The following HHAT variants were observed in gnomAD, a reference collection of about 807,000 sequenced individuals.
HHAT encodes hedgehog acyltransferase.
In HHAT, 47 loss-of-function variants were observed where a neutral mutation model predicts 70.8. The observed-to-expected ratio is 0.66, with a 90% CI of 0.53 to 0.85. The LOEUF (loss-of-function observed/expected upper bound fraction) is 0.85, where lower values mean the gene tolerates loss of function less well. Ranked by LOEUF, HHAT falls within the 40% of genes least tolerant of loss-of-function variation. The pLI is 0.00. For synonymous variants in HHAT, 228 were observed against 247.6 expected, an observed-to-expected ratio of 0.92 and a Z score of 0.74; for missense variants, 609 against 604.8, an observed-to-expected ratio of 1.01 and a Z score of -0.07.
At chr1:210,624,678 T>G (rs761892438) in intron 11 of HHAT, among the ~76,000 whole-genome samples, 1 of 152,230 alleles carries the variant, frequency 6.6e-6, no homozygotes, top group Non-Finnish European at 1.5e-5. Context: ...TGTCAAAACA[T>G]TCTATTAATA....
chr1:210,350,692 C>T (rs987678301), intron 2 of HHAT, among the ~76,000 whole-genome samples: 58 of 152,160 alleles, frequency 3.8e-4, no homozygotes, highest in Admixed American at 3.6e-3. Context: ...GTAATCATGG[C>T]GTCTGCGAAG....
At chr1:210,337,024 A>C (rs1358579045) in intron 1 of HHAT, among the ~76,000 whole-genome samples, 1 of 152,204 alleles carries the variant, frequency 6.6e-6, no homozygotes, top group Non-Finnish European at 1.5e-5. Context: ...TTAGGGACTT[A>C]TATAATTGAC....
At chr1:210,585,013 G>GAA (rs1488591319) in intron 9 of HHAT, among the ~76,000 whole-genome samples, 2 of 152,196 alleles carry the variant, frequency 1.3e-5, no homozygotes, top group Non-Finnish European at 2.9e-5. Context: ...TTGCACAAAG[G>GAA]AAAGTATTGG....
intron 9 of HHAT, among the ~76,000 whole-genome samples, chr1:210,536,239 C>G (rs570855180): frequency 1.3e-5 from 2 of 152,240 alleles, no homozygotes; most frequent in Non-Finnish European, 2.9e-5. Context: ...CCCATTCTAG[C>G]ACACAGAATT....
At chr1:210,609,883 A>T (rs1411625654) in intron 10 of HHAT, among the ~76,000 whole-genome samples, 1 of 152,166 alleles carries the variant, frequency 6.6e-6, no homozygotes, top group African/African-American at 2.4e-5. Context: ...TGGTGTATAT[A>T]TACCACATTT....
At chr1:210,658,385 C>T (rs996978598) in intron 11 of HHAT, among the ~76,000 whole-genome samples, 4 of 152,202 alleles carry the variant, frequency 2.6e-5, no homozygotes, top group African/African-American at 9.7e-5. Context: ...TTGTCTTCTG[C>T]AGAGTCTTAT....
chr1:210,374,460 G>T (rs1000980326), intron 3 of HHAT, among the ~76,000 whole-genome samples: 23 of 152,146 alleles, frequency 1.5e-4, no homozygotes, highest in Non-Finnish European at 1.5e-5. Flanking sequence ...TATGTGCAGG[G>T]TACTATGGGT....
At chr1:210,424,855 T>G (rs1558490694) in intron 7 of HHAT, among the ~76,000 whole-genome samples, 1 of 152,232 alleles carries the variant, frequency 6.6e-6, no homozygotes, top group East Asian at 1.9e-4. Flanking sequence ...TTCCTCTCAG[T>G]ATATACCCAG....
chr1:210,409,172 GC>G (rs2092441138), intron 6 of HHAT, among the ~76,000 whole-genome samples: 1 of 152,142 alleles, frequency 6.6e-6, no homozygotes, highest in African/African-American at 2.4e-5. Context: ...GGCCATTCTA[GC>G]TTGTTTAATC....
chr1:210,400,430 C>T (rs1316843596), intron 4 of HHAT, 38 bp from the exon 5 acceptor site: 2 of 1,549,434 alleles, frequency 1.3e-6, no homozygotes, highest in African/African-American at 1.4e-5. Context: ...TCCCCTCTTC[C>T]TCCCTGTCTC....
intron 4 of HHAT, among the ~76,000 whole-genome samples, chr1:210,399,860 A>G (rs2091978218): frequency 6.6e-6 from 1 of 152,184 alleles, no homozygotes; most frequent in South Asian, 2.1e-4. Flanking sequence ...TAGACTATGC[A>G]AAGTCCTCAA....
chr1:210,609,603 A>G (rs1308309895), intron 10 of HHAT, among the ~76,000 whole-genome samples: 1 of 152,124 alleles, frequency 6.6e-6, no homozygotes, highest in Non-Finnish European at 1.5e-5. Context: ...TGCACAGATC[A>G]TCTCGTCTCC....
chr1:210,481,240 G>A (rs974247753), intron 8 of HHAT, among the ~76,000 whole-genome samples: 2 of 152,144 alleles, frequency 1.3e-5, no homozygotes, highest in African/African-American at 4.8e-5. Context: ...TACAGGGTTA[G>A]GTTCCTGCTA....
intron 8 of HHAT, among the ~76,000 whole-genome samples, 174 bp downstream of exon 8, chr1:210,464,829 C>G (rs939972214): frequency 1.2e-4 from 18 of 152,198 alleles, no homozygotes; most frequent in Non-Finnish European, 8.8e-5. Context: ...TTCTGGGTCT[C>G]TCACAATTAT....
In HHAT at chr1:210,552,350, G is replaced by A. The variant is rs147746237; in HGVS notation, c.1044-35548G>A. On this transcript the variant is annotated intron_variant, in intron 9 of 11. Transcript: ENST00000261458. ...TAAAATGTAGGTAACTTACATGTCC[G>A]ATTTGTGTCCTTCTGAGATGCTGTT... Among the ~76,000 whole-genome samples, 415 of 152,292 alleles carry A rather than the reference G, an allele frequency of 2.7e-3. 2 individuals carry two copies. Among genetic ancestry groups the A allele is most frequent in the African/African-American group, 9.2e-3 (383 of 41,568 alleles).
chr1:210,348,734 T>TGCGC (rs1415341316), intron 1 of HHAT, among the ~76,000 whole-genome samples, 199 bp from the exon 2 acceptor site: 55 of 113,128 alleles, frequency 4.9e-4, no homozygotes, highest in African/African-American at 2.0e-3. Context: ...GGTGTATGTG[T>TGCGC]GCGTGTGTGT....
intron 11 of HHAT, among the ~76,000 whole-genome samples, chr1:210,648,988 CAG>C (rs1306878302): frequency 1.3e-5 from 2 of 152,182 alleles, no homozygotes; most frequent in Non-Finnish European, 2.9e-5. Flanking sequence ...ATAATTTATT[CAG>C]AGTCAGACAT....
rs372662563 is a variant in HHAT, at chr1:210,674,373, G to A, written c.1476G>A (p.Thr492=). The part of the protein sequence containing the change: ...VGIAWAQTYA[T]D The stretch of plus-strand genomic sequence containing the variant: ...TTGCCTGGGCCCAGACCTACGCCAC[G>A]GACTAATGCTGTTGGGCCCAGGCCA... The change falls in exon 12 of 12, where the codon ACG becomes ACA. Residue 492 remains threonine, a synonymous_variant. Transcript: ENST00000261458. 22 of 1,613,484 alleles carry A rather than the reference G, an allele frequency of 1.4e-5. No homozygotes were observed. The highest frequency in any genetic ancestry group is 1.7e-5 in the Non-Finnish European group (20 of 1,179,570).
At chr1:210,359,124 C>T (rs767229392) in intron 2 of HHAT, among the ~76,000 whole-genome samples, 1 of 152,136 alleles carries the variant, frequency 6.6e-6, no homozygotes, top group Non-Finnish European at 1.5e-5. Context: ...GCCAGACAGT[C>T]CTGTGTGATG....
Sources: allele counts gnomAD v4.1 joint callset (sites outside exome capture counted in the v4.1 genomes callset), GRCh38; gene constraint gnomAD v4.1.1; transcripts MANE v1.5; gene names NCBI Gene and HGNC (gene_info 2026-07-23, HGNC 2026-07-21).